Variants in ZNF442 observed in about 807,000 individuals in gnomAD.
ZNF442 encodes zinc finger protein 442.
A neutral mutation model predicts 57.0 loss-of-function variants in ZNF442; 45 were observed. That is an observed-to-expected ratio of 0.79 (90% CI 0.62 to 1.01). The LOEUF is 1.01. Among genes scored for constraint, ZNF442 ranks in the 50% least tolerant of loss-of-function variants. ZNF442 has a pLI of 0.00. For synonymous variants in ZNF442, 213 were observed against 241.8 expected (o/e 0.88, Z 1.10); for missense variants, 690 against 756.5 (o/e 0.91, Z 1.03).
intron 3 of ZNF442, among the ~76,000 whole-genome samples, chr19:12,363,051 C>G (rs918553535): frequency 3.0e-4 from 45 of 148,178 alleles, no homozygotes; most frequent in Non-Finnish European, 3.0e-5. Context: ...CCCAGCTACT[C>G]GGGAGGCTGA....
rs1344084395 is a variant in ZNF442 at position 12,350,560 on chromosome 19, C to A, written c.1025G>T (p.Arg342Met). The A allele has an allele frequency of 9.9e-6, 16 of 1,612,844 alleles. No homozygotes were observed. In the East Asian group the frequency reaches 3.1e-4, roughly 32 times the overall value. ...TTTATGAGGTCCATCTCCAGTGTGC[C>A]TTATCATGTGTCTTTGAAAGCTTCC... ...HLGSFQRHMIRHTGDGPHKCK... is the reference protein window; with the variant it reads ...HLGSFQRHMIMHTGDGPHKCK... Residue 342 changes from arginine (R) to methionine (M), a missense_variant, in exon 6 of 6, where the codon AGG becomes ATG. Transcript: ENST00000242804.
upstream of ZNF442, among the ~76,000 whole-genome samples, chr19:12,370,693 G>A (rs539712372): frequency 1.4e-4 from 21 of 152,018 alleles, no homozygotes; most frequent in South Asian, 1.2e-3. Context: ...AATAATTAGC[G>A]GCTGGGCATG....
At chr19:12,351,896 G>T in intron 5 of ZNF442, 114 bp downstream of exon 5, 1 of 854,142 alleles carries the variant, frequency 1.2e-6, no homozygotes. Context: ...AATTGTATAG[G>T]AATAAATAAG....
upstream of ZNF442, among the ~76,000 whole-genome samples, chr19:12,369,430 C>T (rs1969563300): frequency 6.6e-6 from 1 of 151,444 alleles, no homozygotes; most frequent in Non-Finnish European, 1.5e-5. Flanking sequence ...ACCAGCCTGA[C>T]CGACATGGAG....
chr19:12,349,763 C>A lies in ZNF442; in HGVS notation c.1822G>T (p.Ala608Ser). The A allele has an allele frequency of 6.2e-7, 1 of 1,614,126 alleles. No homozygotes were observed. The highest frequency in any genetic ancestry group is 8.5e-7 in the Non-Finnish European group (1 of 1,179,996). Residue 608 changes from alanine (A) to serine (S), a missense_variant, in exon 6 of 6, where the codon GCA (alanine) becomes TCA (serine). Physicochemically the swap from Ala to Ser is moderately conservative, Grantham distance 99. Coordinates refer to ENST00000242804, the MANE Select transcript of ZNF442 (RefSeq NM_030824.3). ...TGCAAGGAACTGAGAGAACTCAGTG[C>A]CTTCCCACATTCCTTACATTCATGC... ...KMHECKECGK[A>S]LSSLSSLHRH...
rs1969200971 is a variant in ZNF442, at chr19:12,350,288, A to G, written c.1297T>C (p.Tyr433His). 1 of 1,613,642 alleles carries G rather than the reference A, an allele frequency of 6.2e-7. No homozygotes were observed. Among genetic ancestry groups the G allele is most frequent in the South Asian group, 1.1e-5 (1 of 91,070 alleles). Residue 433 changes from tyrosine (Y) to histidine (H), a missense_variant, in exon 6 of 6, where the codon TAT becomes CAT. By Grantham distance (83) the Tyr-to-His change is moderately conservative. Transcript: ENST00000242804. Reference sequence around the variant, plus strand: ...GCTTTACCACATTCTTTACATTCATAGGGTTTCTCACCAGTATGAGTCCTT... The same window carrying G: ...GCTTTACCACATTCTTTACATTCATGGGGTTTCTCACCAGTATGAGTCCTT... ...HERTHTGEKP[Y>H]ECKECGKAFR... is the part of the protein sequence containing the mutation.
intron 3 of ZNF442, among the ~76,000 whole-genome samples, chr19:12,356,773 A>G (rs1231519885): frequency 1.3e-5 from 2 of 152,176 alleles, no homozygotes; most frequent in African/African-American, 4.8e-5. Context: ...GCAAAAACCA[A>G]TGGAGATATA....
chr19:12,355,604 CCG>C (rs1398503176), intron 3 of ZNF442, among the ~76,000 whole-genome samples: 1 of 150,712 alleles, frequency 6.6e-6, no homozygotes, highest in Non-Finnish European at 1.5e-5. Context: ...CGTGATCTGC[CCG>C]CCTCAGCCTC....
rs551783239 is a variant in ZNF442 at position 12,348,429 on chromosome 19, G to A, written c.*1272C>T. 5 of 152,264 alleles carry A rather than the reference G, an allele frequency of 3.3e-5. No individual in the cohort carries two copies. The East Asian group carries it at 9.6e-4, about 29-fold the overall frequency. 9.4% of individuals were successfully genotyped at this position (152,264 alleles called of 1,614,324 possible). ...TCCTTCAATGGAACAAAACCTCTGT[G>A]TCACCCAAGGGATAACATGCCAACA... is the stretch of plus-strand genomic sequence containing the variant. On this transcript the variant is annotated 3_prime_UTR_variant, in exon 6 of 6. Transcript: ENST00000242804.
Position 12,363,661 on chromosome 19 carries a change from A to C in ZNF442, c.-30T>G. On this transcript the variant is annotated 5_prime_UTR_variant, in exon 3 of 6. Coordinates refer to ENST00000242804, the MANE Select transcript of ZNF442 (RefSeq NM_030824.3). ...CTGGCTGACCAGCCGTGTGTCCCCA[A>C]GGAATGGAAACTGGGGTTGGGGAAG... 1 of 1,603,650 alleles carries C rather than the reference A, an allele frequency of 6.2e-7. No individual in the cohort carries two copies. Among genetic ancestry groups the C allele is most frequent in the Non-Finnish European group, 8.5e-7 (1 of 1,170,542 alleles).
intron 3 of ZNF442, among the ~76,000 whole-genome samples, chr19:12,360,353 C>T (rs1001034592): frequency 3.9e-5 from 6 of 152,168 alleles, no homozygotes; most frequent in Admixed American, 6.5e-5. Flanking sequence ...TGCTCTGTAG[C>T]TTCTTTAAGT....
At chr19:12,365,456 G>T in intron 1 of ZNF442, 77 bp downstream of exon 1, 2 of 367,348 alleles carry the variant, frequency 5.4e-6, no homozygotes, top group Middle Eastern at 7.5e-4. Context: ...GGACGCCCGG[G>T]TCCCGCCACA....
At chr19:12,353,254 A>T in intron 3 of ZNF442, 140 bp from the exon 4 acceptor site, 1 of 884,688 alleles carries the variant, frequency 1.1e-6, no homozygotes, top group South Asian at 2.3e-5. Flanking sequence ...TTCTCTGTCT[A>T]CAATCACTTT....
In ZNF442 at chr19:12,348,323, A is replaced by G. The variant is rs1034760898; in HGVS notation, c.*1378T>C. 1 of 152,138 alleles carries G rather than the reference A, an allele frequency of 6.6e-6. No individual in the cohort carries two copies. The highest frequency in any genetic ancestry group is 6.5e-5 in the Admixed American group (1 of 15,270). 9.4% of individuals were successfully genotyped at this position (152,138 alleles called of 1,614,324 possible). On this transcript the variant is annotated 3_prime_UTR_variant, in exon 6 of 6. Transcript: ENST00000242804. ...GCGCCACTGCACTCCAGACTGGGCA[A>G]TAAGAACGAAACTCAGTCTCAAATG...
chr19:12,368,152 T>C (rs908887533), upstream of ZNF442, among the ~76,000 whole-genome samples: 2 of 152,200 alleles, frequency 1.3e-5, no homozygotes, highest in African/African-American at 2.4e-5. Context: ...TCTATTCTTT[T>C]TCAGGGTGCA....
chr19:12,349,753 G>A lies in ZNF442; in HGVS notation c.1832C>T (p.Ser611Phe). 2 of 1,613,956 alleles carry A rather than the reference G, an allele frequency of 1.2e-6. No individual in the cohort carries two copies. The highest frequency in any genetic ancestry group is 1.7e-6 in the Non-Finnish European group (2 of 1,179,892). The change falls in exon 6 of 6, where the codon TCT (serine) becomes TTT (phenylalanine). Residue 611 changes from serine to phenylalanine, a missense_variant. Physicochemically the swap from Ser to Phe is radical, Grantham distance 155 (BLOSUM62 -2). Transcript: ENST00000242804. ...ECKECGKALS[S>F]LSSLHRHKRT... ...TTTATGTCTATGCAAGGAACTGAGAGAACTCAGTGCCTTCCCACATTCCTT... is the reference window on the plus strand; with the variant it reads ...TTTATGTCTATGCAAGGAACTGAGAAAACTCAGTGCCTTCCCACATTCCTT...
chr19:12,362,168 T>G (rs1969441558), intron 3 of ZNF442, among the ~76,000 whole-genome samples: 2 of 152,216 alleles, frequency 1.3e-5, no homozygotes, highest in African/African-American at 4.8e-5. Context: ...GGAGCATCTC[T>G]GCCTGGCTGC....
At chr19:12,363,439 AC>A in intron 3 of ZNF442, 114 bp downstream of exon 3, 3 of 970,052 alleles carry the variant, frequency 3.1e-6, no homozygotes, top group Non-Finnish European at 3.3e-6. Context: ...GTGCTCAGTG[AC>A]CACCCACCAC....
chr19:12,356,258 G>GAA (rs1358609585), intron 3 of ZNF442, among the ~76,000 whole-genome samples: 3 of 151,974 alleles, frequency 2.0e-5, no homozygotes, highest in Non-Finnish European at 4.4e-5. Flanking sequence ...GAAATAAAAA[G>GAA]ATAAACCACC....
Sources: allele counts gnomAD v4.1 joint callset (sites outside exome capture counted in the v4.1 genomes callset), GRCh38; gene constraint gnomAD v4.1.1; transcripts MANE v1.5; gene names NCBI Gene and HGNC (gene_info 2026-07-23, HGNC 2026-07-21).